The following BAZ2B variants were observed in gnomAD, a reference collection of about 807,000 sequenced individuals.
BAZ2B encodes bromodomain adjacent to zinc finger domain protein 2B.
Under a neutral mutation model 246.0 loss-of-function variants are expected in BAZ2B, and 91 were observed. That is an observed-to-expected ratio of 0.37 (90% confidence interval 0.31 to 0.44). The LOEUF (loss-of-function observed/expected upper bound fraction) is 0.44. Ranked by LOEUF, BAZ2B falls within the 20% of genes least tolerant of loss-of-function variation. The pLI is 1.00. For missense variants in BAZ2B, 2,332 were observed against 2,533.7 expected (o/e 0.92, Z 1.71); for synonymous variants, 855 against 860.0 (o/e 0.99, Z 0.10).
intron 13 of BAZ2B, among the ~76,000 whole-genome samples, chr2:159,420,227 A>G (rs1231473333): frequency 1.3e-5 from 2 of 152,186 alleles, no homozygotes; most frequent in African/African-American, 2.4e-5. Flanking sequence ...CTATGGGAAA[A>G]TGCCTTTAGG....
intron 1 of BAZ2B, among the ~76,000 whole-genome samples, chr2:159,596,928 G>A (rs766161175): frequency 1.6e-4 from 24 of 152,146 alleles, no homozygotes; most frequent in Non-Finnish European, 3.1e-4. Flanking sequence ...GGGACTGCTG[G>A]ATCAAATGGT....
intron 1 of BAZ2B, among the ~76,000 whole-genome samples, chr2:159,558,863 A>G (rs62171574): frequency 0.054 from 8,226 of 152,284 alleles, 382 homozygotes; most frequent in African/African-American, 0.12. Flanking sequence ...TAAAAGTGTT[A>G]AGATGGGTAA....
chr2:159,513,956 C>G (rs2083185310), intron 2 of BAZ2B, among the ~76,000 whole-genome samples: 1 of 152,114 alleles, frequency 6.6e-6, no homozygotes, highest in South Asian at 2.1e-4. Context: ...TTTCCCTGAG[C>G]AAACCAGTCA....
At chr2:159,481,986 G>A (rs1199663941) in intron 2 of BAZ2B, among the ~76,000 whole-genome samples, 1 of 151,916 alleles carries the variant, frequency 6.6e-6, no homozygotes, top group East Asian at 1.9e-4. Context: ...TTCTATCAAT[G>A]TTAATTTCCT....
chr2:159,483,638 C>G (rs2079497187), intron 2 of BAZ2B, among the ~76,000 whole-genome samples: 1 of 151,658 alleles, frequency 6.6e-6, no homozygotes, highest in East Asian at 1.9e-4. Context: ...TTAGCAAGAC[C>G]CACGCGGTAG....
intron 27 of BAZ2B, among the ~76,000 whole-genome samples, chr2:159,369,371 TG>T (rs1343293351): frequency 6.6e-6 from 1 of 152,194 alleles, no homozygotes; most frequent in East Asian, 1.9e-4. Context: ...TATACAGTCT[TG>T]AATGCCAGGC....
chr2:159,647,593 T>C, the BAZ2B span, among the ~76,000 whole-genome samples: 3 of 152,192 alleles, frequency 2.0e-5, no homozygotes, highest in Non-Finnish European at 4.4e-5. Context: ...TACACAAAAT[T>C]AACCATCACA....
intron 2 of BAZ2B, among the ~76,000 whole-genome samples, chr2:159,490,336 C>A (rs1482835261): frequency 6.6e-6 from 1 of 152,004 alleles, no homozygotes; most frequent in Non-Finnish European, 1.5e-5. Context: ...TTTTATAATG[C>A]AGAAGTCCAA....
At chr2:159,485,119 T>C (rs192404535) in intron 2 of BAZ2B, among the ~76,000 whole-genome samples, 47 of 152,310 alleles carry the variant, frequency 3.1e-4, no homozygotes, top group Middle Eastern at 3.4e-3. Context: ...AGTTTTATTA[T>C]ACAAGTTCAA....
intron 2 of BAZ2B, among the ~76,000 whole-genome samples, chr2:159,500,831 G>C (rs983585515): frequency 8.6e-5 from 13 of 151,722 alleles, no homozygotes; most frequent in African/African-American, 1.2e-4. Context: ...GTGCATGCCT[G>C]TAATCCCAGC....
intron 27 of BAZ2B, among the ~76,000 whole-genome samples, chr2:159,358,493 G>C (rs2059353171): frequency 6.6e-6 from 1 of 152,112 alleles, no homozygotes; most frequent in African/African-American, 2.4e-5. Flanking sequence ...AAGAAACTTA[G>C]ACTCCCACAC....
intron 20 of BAZ2B, among the ~76,000 whole-genome samples, chr2:159,390,031 G>A (rs1239613269): frequency 6.6e-6 from 1 of 152,104 alleles, no homozygotes; most frequent in East Asian, 1.9e-4. Flanking sequence ...TAACTGACTT[G>A]TCTCTCTGTT....
At chr2:159,599,935 C>CAAAA (rs11303439) in intron 1 of BAZ2B, among the ~76,000 whole-genome samples, 25 of 101,538 alleles carry the variant, frequency 2.5e-4, no homozygotes, top group South Asian at 3.6e-4. Flanking sequence ...GACTCCTTCT[C>CAAAA]AAAAAAAAAA....
At chr2:159,518,427 C>G (rs887414150) in intron 2 of BAZ2B, among the ~76,000 whole-genome samples, 22 of 152,156 alleles carry the variant, frequency 1.4e-4, no homozygotes, top group African/African-American at 5.3e-4. Context: ...CCTGGTAGTG[C>G]TATACAGACA....
intron 21 of BAZ2B, among the ~76,000 whole-genome samples, chr2:159,388,873 C>A (rs374489104): frequency 2.4e-4 from 37 of 151,910 alleles, no homozygotes; most frequent in African/African-American, 8.7e-4. Flanking sequence ...TCAAGACCAG[C>A]CAGGACAACA....
At chr2:159,683,319 C>G in the BAZ2B span, among the ~76,000 whole-genome samples, 1 of 152,100 alleles carries the variant, frequency 6.6e-6, no homozygotes, top group Non-Finnish European at 1.5e-5. Context: ...AGACTGGTAT[C>G]AAACCTCCTG....
chr2:159,418,018 C>T (rs905066749), intron 13 of BAZ2B, among the ~76,000 whole-genome samples: 21 of 152,220 alleles, frequency 1.4e-4, no homozygotes, highest in Middle Eastern at 3.4e-3. Flanking sequence ...AATTGAACAC[C>T]GCCTGGATGT....
chr2:159,619,271 GAAGT>G (rs1284418951), upstream of BAZ2B, among the ~76,000 whole-genome samples: 1 of 151,802 alleles, frequency 6.6e-6, no homozygotes, highest in Non-Finnish European at 1.5e-5. Flanking sequence ...ATTGCACAAG[GAAGT>G]AACTTATAAC....
chr2:159,557,615 C>T (rs561003657), intron 1 of BAZ2B, among the ~76,000 whole-genome samples: 8 of 152,292 alleles, frequency 5.3e-5, no homozygotes, highest in Admixed American at 2.6e-4. Flanking sequence ...TCATAACAAA[C>T]GCCACCTCCT....
Sources: gnomAD v4.1 joint callset for allele counts (sites outside exome capture counted in the v4.1 genomes callset) on GRCh38, gnomAD v4.1.1 for gene constraint, MANE v1.5 for transcripts, NCBI Gene and HGNC (gene_info 2026-07-23, HGNC 2026-07-21) for gene names.